The following DAB1 variants were observed in gnomAD, a reference collection of about 807,000 sequenced individuals.
The protein encoded by DAB1 is DAB adaptor protein 1, also known as disabled homolog 1.
Under a neutral mutation model 64.6 loss-of-function variants are expected in DAB1, and 15 were observed. The observed-to-expected ratio is 0.23, with a 90% CI of 0.16 to 0.36. The LOEUF is 0.36. Among genes scored for constraint, DAB1 ranks in the 10% least tolerant of loss-of-function variants. The pLI, the probability that DAB1 is intolerant of heterozygous loss-of-function variation, is 1.00. For synonymous variants in DAB1, 235 were observed against 251.9 expected, an observed-to-expected ratio of 0.93 and a Z score of 0.64; for missense variants, 596 against 706.7, an observed-to-expected ratio of 0.84 and a Z score of 1.78.
chr1:57,654,302 GA>G (rs1262001452), intron 6 of DAB1, among the ~76,000 whole-genome samples: 1 of 152,090 alleles, frequency 6.6e-6, no homozygotes, highest in South Asian at 2.1e-4. Context: ...GCAGAAAAGG[GA>G]AAAAAAGAGT....
Position 56,996,024 on chromosome 1 carries a change from A to G in DAB1, c.*2120T>C, listed in dbSNP as rs1248096260. ...GATATTGACATATATTCTTGAATAG[A>G]CGTTTGGTCAGTTTATCTAACTGAA... On this transcript the variant is annotated 3_prime_UTR_variant, in exon 15 of 15. Coordinates refer to ENST00000371236, the MANE Select transcript of DAB1 (RefSeq NM_001365792.1). 1 of 152,192 alleles carries G rather than the reference A, an allele frequency of 6.6e-6. No homozygotes were observed. The highest frequency in any genetic ancestry group is 1.9e-4 in the East Asian group (1 of 5,200). 9.4% of individuals were successfully genotyped at this position (152,192 alleles called of 1,614,324 possible).
intron 7 of DAB1, among the ~76,000 whole-genome samples, chr1:57,549,819 T>C (rs1558483235): frequency 1.3e-5 from 2 of 152,194 alleles, no homozygotes; most frequent in South Asian, 2.1e-4. Flanking sequence ...AGAGAATTTA[T>C]GAAGCAGAAT....
chr1:57,353,353 C>T (rs956274283), intron 1 of DAB1, among the ~76,000 whole-genome samples: 12 of 152,028 alleles, frequency 7.9e-5, no homozygotes, highest in South Asian at 4.1e-4. Context: ...ATGGCTGTTC[C>T]GTCCTATTCT....
intron 5 of DAB1, among the ~76,000 whole-genome samples, chr1:57,922,845 CAAAAAAAA>C (rs367897659): frequency 6.7e-5 from 3 of 45,010 alleles, no homozygotes; most frequent in East Asian, 9.3e-4. Context: ...GACTCCATCT[CAAAAAAAA>C]AAAAAAAAAA....
chr1:57,826,703 A>C (rs1569793106), intron 1 of DAB1, among the ~76,000 whole-genome samples: 1 of 152,214 alleles, frequency 6.6e-6, no homozygotes, highest in East Asian at 1.9e-4. Flanking sequence ...TTCTGCAGCC[A>C]GCAAGAGAAA....
intron 2 of DAB1, among the ~76,000 whole-genome samples, chr1:57,235,017 G>T (rs914553086): frequency 6.6e-6 from 1 of 152,198 alleles, no homozygotes; most frequent in South Asian, 2.1e-4. Context: ...AGACCACCTG[G>T]ATAGTCTCCC....
In DAB1 at chr1:57,917,202, T is replaced by A. The variant is rs191419429; in HGVS notation, n.388-33040A>T. Among the ~76,000 whole-genome samples, 3 of 152,292 alleles carry A rather than the reference T, an allele frequency of 2.0e-5. No homozygotes were observed. The East Asian group carries it at 5.8e-4, about 30-fold the overall frequency. ...CCCCTCCCCTCCCCATGAGTAAGCA[T>A]GTCCTCTAGGTCCACTGCCAGATAT... On this transcript the variant is annotated intron_variant and non_coding_transcript_variant, in intron 5 of 20. Transcript: ENST00000485760.
chr1:57,820,836 A>G (rs852766), intron 6 of DAB1, among the ~76,000 whole-genome samples: 53,817 of 152,140 alleles, frequency 0.35, 10,052 homozygotes, highest in Admixed American at 0.48. Context: ...AATATGAAGA[A>G]GCATCCAAAA....
intron 6 of DAB1, among the ~76,000 whole-genome samples, chr1:57,656,652 A>C (rs539380349): frequency 6.6e-6 from 1 of 152,354 alleles, no homozygotes; most frequent in African/African-American, 2.4e-5. Context: ...CATAGGTACT[A>C]CAGAGTAAAC....
chr1:57,266,848 A>C (rs1570106313), intron 2 of DAB1, among the ~76,000 whole-genome samples: 1 of 152,292 alleles, frequency 6.6e-6, no homozygotes, highest in East Asian at 1.9e-4. Flanking sequence ...GGGTAGGTTC[A>C]TATAATTCTA....
At chr1:57,539,506 A>C (rs1524716) in intron 7 of DAB1, among the ~76,000 whole-genome samples, 35,341 of 152,132 alleles carry the variant, frequency 0.23, 4,319 homozygotes, top group South Asian at 0.4. Flanking sequence ...GGAAGTGAGA[A>C]AGTGGGTATC....
intron 7 of DAB1, among the ~76,000 whole-genome samples, chr1:57,604,461 C>T (rs1487981474): frequency 6.6e-6 from 1 of 151,108 alleles, no homozygotes; most frequent in African/African-American, 2.4e-5. Flanking sequence ...ACAGGGGAAA[C>T]AGAGACAGTC....
chr1:58,337,639 T>A (rs1294972688), intron 4 of DAB1, among the ~76,000 whole-genome samples: 2 of 152,108 alleles, frequency 1.3e-5, no homozygotes, highest in Non-Finnish European at 1.5e-5. Flanking sequence ...TGAGGGAGGA[T>A]CAAATAATGG....
At chr1:57,944,175 T>A (rs1645147307) in intron 5 of DAB1, among the ~76,000 whole-genome samples, 1 of 152,124 alleles carries the variant, frequency 6.6e-6, no homozygotes, top group African/African-American at 2.4e-5. Context: ...CCATCCCACA[T>A]ACTCAACACG....
intron 4 of DAB1, among the ~76,000 whole-genome samples, chr1:58,267,968 T>TTA (rs1381720570): frequency 6.6e-6 from 1 of 152,150 alleles, no homozygotes; most frequent in Non-Finnish European, 1.5e-5. Flanking sequence ...GTCTATCCAA[T>TTA]TACTCACACT....
At chr1:58,260,822 G>A (rs191466427) in intron 4 of DAB1, among the ~76,000 whole-genome samples, 2 of 152,202 alleles carry the variant, frequency 1.3e-5, no homozygotes, top group Admixed American at 6.5e-5. Flanking sequence ...CCTCTGCCAT[G>A]CTCTACCTCA....
chr1:57,143,646 C>T (rs896663510), intron 3 of DAB1, among the ~76,000 whole-genome samples: 4 of 151,980 alleles, frequency 2.6e-5, no homozygotes, highest in Non-Finnish European at 5.9e-5. Flanking sequence ...ATTCTTAGAG[C>T]CATACTATAA....
intron 4 of DAB1, among the ~76,000 whole-genome samples, chr1:58,237,393 T>C (rs144564730): frequency 1.2e-4 from 19 of 152,360 alleles, no homozygotes; most frequent in African/African-American, 4.6e-4. Flanking sequence ...TTGAAGCTCC[T>C]ACTGTGTTAA....
rs867932544 is a variant in DAB1, at chr1:58,034,358, G to A, written n.387+116153C>T. 2.6e-5 allele frequency among the ~76,000 whole-genome samples: 4 copies of A among 152,308 alleles called. No homozygotes were observed. In the Middle Eastern group the frequency reaches 0.01, roughly 389 times the overall value. On this transcript the variant is annotated intron_variant and non_coding_transcript_variant, in intron 5 of 20. Transcript: ENST00000485760. ...GTAAGGGATCTTGAAAGAGGATTCT[G>A]CCCCAGGCAGACTGTGGGATAACTG... is the stretch of plus-strand genomic sequence containing the variant.
Sources: gnomAD v4.1 joint callset for allele counts (sites outside exome capture counted in the v4.1 genomes callset) on GRCh38, gnomAD v4.1.1 for gene constraint, MANE v1.5 for transcripts, NCBI Gene and HGNC (gene_info 2026-07-23, HGNC 2026-07-21) for gene names.